Variants in CSTF3 observed in about 807,000 individuals in gnomAD.
The protein encoded by CSTF3 is CF-1 77 kDa subunit.
Under a neutral mutation model 105.8 loss-of-function variants are expected in CSTF3, and 29 were observed. The observed-to-expected ratio is 0.27, with a 90% confidence interval of 0.20 to 0.37. The LOEUF (loss-of-function observed/expected upper bound fraction) is 0.37, where lower values mean the gene tolerates loss of function less well. Ranked by LOEUF, CSTF3 falls within the 10% of genes least tolerant of loss-of-function variation. CSTF3 has a pLI of 1.00. For synonymous variants in CSTF3, 252 were observed against 281.9 expected (o/e 0.89, Z 1.06); for missense variants, 357 against 879.3 (o/e 0.41, Z 7.51).
intron 3 of CSTF3, among the ~76,000 whole-genome samples, chr11:33,122,751 C>G (rs1404124250): frequency 6.6e-6 from 1 of 151,060 alleles, no homozygotes; most frequent in Admixed American, 6.6e-5. Flanking sequence ...CCTGTCTCTA[C>G]AAAAAAATAC....
In CSTF3 at chr11:33,105,870, T is replaced by C. The variant is rs202238790; in HGVS notation, c.458+13A>G. 1.2e-4 allele frequency: 186 copies of C among 1,555,754 alleles called. No homozygotes were observed. The Admixed American group carries it at 3.6e-3, about 30-fold the overall frequency. ...CAACTGTAGATGTAAAAAAAAACTA[T>C]ACAAATACTTACACGCCTTTTAGGA... is the stretch of plus-strand genomic sequence containing the variant. On this transcript the variant is annotated intron_variant, in intron 7 of 20. Transcript: ENST00000323959.
At chr11:33,127,667 G>A (rs1375519767) in intron 3 of CSTF3, among the ~76,000 whole-genome samples, 2 of 152,100 alleles carry the variant, frequency 1.3e-5, no homozygotes, top group Admixed American at 6.5e-5. Context: ...TTGCTCTGTC[G>A]CCCAGGCTAG....
chr11:33,086,096 C>T (rs992019265), intron 18 of CSTF3, 107 bp from the exon 19 acceptor site: 9 of 710,616 alleles, frequency 1.3e-5, no homozygotes, highest in African/African-American at 3.7e-5. Flanking sequence ...CTGCTTTGTT[C>T]TGGACACTGA....
chr11:33,105,950 T>G, intron 6 of CSTF3, 33 bp from the exon 7 acceptor site: 1 of 1,578,672 alleles, frequency 6.3e-7, no homozygotes. Flanking sequence ...AATATCTTTC[T>G]TGGTATTCTT....
chr11:33,126,329 G>T (rs562980397), intron 3 of CSTF3, among the ~76,000 whole-genome samples: 1 of 152,002 alleles, frequency 6.6e-6, no homozygotes, highest in South Asian at 2.1e-4. Flanking sequence ...TGTGGTCTTG[G>T]CTACTCAGGA....
At chr11:33,095,826 A>AAT (rs56882709) in intron 15 of CSTF3, among the ~76,000 whole-genome samples, 1 of 150,040 alleles carries the variant, frequency 6.7e-6, no homozygotes, top group Non-Finnish European at 1.5e-5. Flanking sequence ...TCTCAAATAA[A>AAT]TAAATAAATA....
chr11:33,106,466 T>C (rs1855326593), intron 5 of CSTF3, among the ~76,000 whole-genome samples: 1 of 152,036 alleles, frequency 6.6e-6, no homozygotes, highest in African/African-American at 2.4e-5. Context: ...TGGTGGTTCA[T>C]TCCTGGAATC....
intron 17 of CSTF3, among the ~76,000 whole-genome samples, chr11:33,087,523 C>T (rs1855118239): frequency 6.6e-6 from 1 of 152,142 alleles, no homozygotes; most frequent in African/African-American, 2.4e-5. Context: ...GAATTGAACA[C>T]CAGTTTCATT....
chr11:33,119,058 CTT>C (rs55762945), intron 3 of CSTF3, among the ~76,000 whole-genome samples: 9 of 151,358 alleles, frequency 5.9e-5, no homozygotes, highest in Admixed American at 4.6e-4. Context: ...AGTCACATGA[CTT>C]TTTTTTAATG....
At chr11:33,107,155 A>G (rs1477808443) in intron 5 of CSTF3, among the ~76,000 whole-genome samples, 1 of 152,042 alleles carries the variant, frequency 6.6e-6, no homozygotes. Flanking sequence ...TCTACAAAAA[A>G]ATAGAAAAAA....
At chr11:33,085,812 G>A (rs1158278453) in intron 19 of CSTF3, 39 bp from the exon 20 acceptor site, 1 of 1,599,160 alleles carries the variant, frequency 6.3e-7, no homozygotes, top group African/African-American at 1.3e-5. Context: ...CCAGTAATCT[G>A]ACAAGTTAAA....
chr11:33,125,074 G>C (rs1855530001), intron 3 of CSTF3, among the ~76,000 whole-genome samples: 1 of 152,166 alleles, frequency 6.6e-6, no homozygotes, highest in Non-Finnish European at 1.5e-5. Flanking sequence ...GGAAATTTCA[G>C]TATTTCTCTC....
intron 3 of CSTF3, among the ~76,000 whole-genome samples, chr11:33,138,882 A>G (rs949990129): frequency 2.6e-5 from 4 of 151,878 alleles, no homozygotes; most frequent in African/African-American, 9.7e-5. Context: ...AAGAATACAC[A>G]GAAGTTTGTC....
At chr11:33,141,591 T>C (rs1855711158) in intron 3 of CSTF3, 76 bp downstream of exon 3, 2 of 1,496,742 alleles carry the variant, frequency 1.3e-6, no homozygotes, top group Non-Finnish European at 1.8e-6. Flanking sequence ...TAATTGGCTA[T>C]GTTCCTAACT....
intron 3 of CSTF3, among the ~76,000 whole-genome samples, chr11:33,126,864 CAGTACATT>C (rs1414211282): frequency 6.6e-6 from 1 of 152,076 alleles, no homozygotes; most frequent in Non-Finnish European, 1.5e-5. Context: ...GTAAATTATT[CAGTACATT>C]AGGTGATGAG....
At chr11:33,157,432 T>C (rs1308651664) in intron 1 of CSTF3, among the ~76,000 whole-genome samples, 1 of 152,118 alleles carries the variant, frequency 6.6e-6, no homozygotes, top group Non-Finnish European at 1.5e-5. Context: ...AGAAATCATA[T>C]GTTTGTTAGG....
chr11:33,146,201 G>A (rs1565018902), intron 1 of CSTF3, among the ~76,000 whole-genome samples: 1 of 150,842 alleles, frequency 6.6e-6, no homozygotes, highest in Non-Finnish European at 1.5e-5. Context: ...TCACACCACT[G>A]CACTCCACTC....
chr11:33,135,212 G>A (rs768009510), intron 3 of CSTF3, among the ~76,000 whole-genome samples: 4 of 152,058 alleles, frequency 2.6e-5, no homozygotes, highest in Non-Finnish European at 4.4e-5. Flanking sequence ...TTAAAACAGC[G>A]TAACCCTAAC....
intron 3 of CSTF3, among the ~76,000 whole-genome samples, chr11:33,131,351 T>C (rs1855596662): frequency 2.0e-5 from 3 of 152,176 alleles, no homozygotes; most frequent in Admixed American, 6.5e-5. Flanking sequence ...CACCAAAATA[T>C]TGATAGACCT....
Sources: allele counts gnomAD v4.1 joint callset (sites outside exome capture counted in the v4.1 genomes callset), GRCh38; gene constraint gnomAD v4.1.1; transcripts MANE v1.5; gene names NCBI Gene and HGNC (gene_info 2026-07-23, HGNC 2026-07-21).